The following LINGO2 variants were observed in gnomAD, a reference collection of about 807,000 sequenced individuals.
LINGO2 encodes leucine rich repeat and Ig domain containing 2.
LINGO2 carries 14 observed loss-of-function variants against 30.6 expected under a neutral mutation model. The observed-to-expected ratio is 0.46, with a 90% confidence interval of 0.30 to 0.72. LINGO2 has a LOEUF of 0.72. LINGO2 is among the 30% of genes least tolerant of loss of function. The pLI, the probability that LINGO2 is intolerant of heterozygous loss-of-function variation, is 0.07. For missense variants in LINGO2, 729 were observed against 751.7 expected (o/e 0.97, Z 0.35); for synonymous variants, 317 against 288.5 (o/e 1.10, Z -1.00).
intron 1 of LINGO2, among the ~76,000 whole-genome samples, chr9:28,639,888 G>A (rs1298031501): frequency 2.6e-5 from 4 of 151,966 alleles, no homozygotes; most frequent in Non-Finnish European, 4.4e-5. Context: ...TATTTTGCTC[G>A]TTAGTTGATG....
At chr9:28,507,487 A>G (rs1820199003) in intron 1 of LINGO2, among the ~76,000 whole-genome samples, 1 of 152,096 alleles carries the variant, frequency 6.6e-6, no homozygotes, top group Non-Finnish European at 1.5e-5. Flanking sequence ...TATTTAATAG[A>G]CATCTCTGAC....
intron 1 of LINGO2, among the ~76,000 whole-genome samples, chr9:28,496,969 G>C (rs576897204): frequency 2.0e-4 from 31 of 152,280 alleles, no homozygotes; most frequent in African/African-American, 6.7e-4. Context: ...TTTTCTTTAA[G>C]AATGTTGAAT....
intron 4 of LINGO2, among the ~76,000 whole-genome samples, chr9:28,053,230 G>A (rs186728503): frequency 6.6e-6 from 1 of 152,120 alleles, no homozygotes; most frequent in Admixed American, 6.6e-5. Context: ...CCTGGAGAAT[G>A]GAGAGGAATT....
the LINGO2 span, among the ~76,000 whole-genome samples, chr9:28,954,114 C>T: frequency 1.3e-5 from 2 of 152,138 alleles, no homozygotes; most frequent in African/African-American, 4.8e-5. Flanking sequence ...CAAACTTGAT[C>T]ACTGGCAACA....
chr9:28,211,287 CT>C (rs202167511), intron 4 of LINGO2, among the ~76,000 whole-genome samples: 8,137 of 140,012 alleles, frequency 0.058, 273 homozygotes, highest in African/African-American at 0.11. Flanking sequence ...CTCCAAATTC[CT>C]TTTTTTTTTT....
At chr9:28,662,226 C>T (rs950088468) in intron 1 of LINGO2, among the ~76,000 whole-genome samples, 21 of 152,108 alleles carry the variant, frequency 1.4e-4, no homozygotes, top group Admixed American at 3.3e-4. Flanking sequence ...GAATCCAGAG[C>T]GGGGCCCAAT....
chr9:29,102,362 T>A, the LINGO2 span, among the ~76,000 whole-genome samples: 1 of 152,192 alleles, frequency 6.6e-6, no homozygotes, highest in Non-Finnish European at 1.5e-5. Flanking sequence ...ATTACAGGCG[T>A]GAGCCACCAC....
intron 1 of LINGO2, among the ~76,000 whole-genome samples, chr9:28,631,138 T>C (rs114556443): frequency 0.087 from 13,166 of 152,052 alleles, 632 homozygotes; most frequent in Middle Eastern, 0.11. Flanking sequence ...TATTTATTTA[T>C]TGCTTTATCA....
At chr9:28,642,127 C>T (rs763533782) in intron 1 of LINGO2, among the ~76,000 whole-genome samples, 1 of 151,218 alleles carries the variant, frequency 6.6e-6, no homozygotes, top group Non-Finnish European at 1.5e-5. Context: ...AATTAACATA[C>T]ACTTTTACTC....
At chr9:29,073,363 A>C in the LINGO2 span, among the ~76,000 whole-genome samples, 2 of 152,148 alleles carry the variant, frequency 1.3e-5, no homozygotes, top group Non-Finnish European at 2.9e-5. Flanking sequence ...GGGGGAAAAA[A>C]ACAGGTACAT....
rs185335185 is a variant in LINGO2 at position 27,957,743 on chromosome 9, A to G, written c.-35-7037T>C. Among the ~76,000 whole-genome samples the G allele has an allele frequency of 4.1e-3, 617 of 152,328 alleles. 2 individuals are homozygous for G. Among genetic ancestry groups the G allele is most frequent in the African/African-American group, 0.014 (571 of 41,582 alleles). On this transcript the variant is annotated intron_variant, in intron 5 of 5. Coordinates refer to ENST00000379992, the Ensembl canonical transcript of LINGO2. ...CATCAACTTGATGATTTCTAAAGAA[A>G]TTTTCTGTGATATTGACAAAAAATG...
At chr9:28,304,851 A>G (rs1010735732) in intron 3 of LINGO2, among the ~76,000 whole-genome samples, 1 of 152,092 alleles carries the variant, frequency 6.6e-6, no homozygotes, top group Admixed American at 6.6e-5. Context: ...AAAGCATGAA[A>G]AACAAAATTT....
intron 4 of LINGO2, among the ~76,000 whole-genome samples, chr9:28,037,202 C>T (rs572321296): frequency 5.3e-5 from 8 of 152,330 alleles, no homozygotes; most frequent in East Asian, 1.9e-4. Context: ...ACGGAGACAA[C>T]TCTGAATTGA....
chr9:29,023,829 A>C, the LINGO2 span, among the ~76,000 whole-genome samples: 1 of 152,168 alleles, frequency 6.6e-6, no homozygotes, highest in African/African-American at 2.4e-5. Context: ...AGGCCAAAAA[A>C]TTATATCGGA....
At chr9:29,131,816 G>A in the LINGO2 span, among the ~76,000 whole-genome samples, 2 of 151,352 alleles carry the variant, frequency 1.3e-5, no homozygotes, top group Non-Finnish European at 2.9e-5. Context: ...CCTAGTTAAG[G>A]GCACTTTAAA....
At chr9:28,769,504 A>T in the LINGO2 span, among the ~76,000 whole-genome samples, 5 of 3,358 alleles carry the variant, frequency 1.5e-3, no homozygotes, top group South Asian at 0.014. Context: ...ATATATATAT[A>T]TATATATATA....
chr9:28,829,520 A>G, the LINGO2 span, among the ~76,000 whole-genome samples: 134 of 152,306 alleles, frequency 8.8e-4, no homozygotes, highest in African/African-American at 3.0e-3. Flanking sequence ...TGGGACGCAC[A>G]CAGAGTTTTG....
the LINGO2 span, among the ~76,000 whole-genome samples, chr9:28,952,486 TTC>T: frequency 1.2e-4 from 18 of 152,140 alleles, no homozygotes; most frequent in Admixed American, 3.3e-4. Flanking sequence ...GAGCTAAAAT[TTC>T]TTTCTCCATC....
chr9:29,211,331 T>C, the LINGO2 span, among the ~76,000 whole-genome samples: 3 of 152,206 alleles, frequency 2.0e-5, no homozygotes, highest in Non-Finnish European at 2.9e-5. Context: ...ATCAAACATA[T>C]TCAGTGCCCA....
Sources: allele counts gnomAD v4.1 joint callset (sites outside exome capture counted in the v4.1 genomes callset), GRCh38; gene constraint gnomAD v4.1.1; transcripts MANE v1.5; gene names NCBI Gene and HGNC (gene_info 2026-07-23, HGNC 2026-07-21).